The following HSP90B1 variants were observed in gnomAD, a reference collection of about 807,000 sequenced individuals.
HSP90B1 encodes the protein endoplasmin.
HSP90B1 carries 27 observed loss-of-function variants against 100.4 expected under a neutral mutation model. The ratio of observed to expected loss-of-function variants is 0.27; its 90% CI spans 0.20 to 0.37. The LOEUF (loss-of-function observed/expected upper bound fraction) is 0.37, where lower values mean the gene tolerates loss of function less well. Among genes scored for constraint, HSP90B1 ranks in the 10% least tolerant of loss-of-function variants. The probability of loss-of-function intolerance (pLI) is 1.00; values close to 1 mark genes in which losing one functional copy is unlikely to be tolerated. For missense variants in HSP90B1, 678 were observed against 960.5 expected, an observed-to-expected ratio of 0.71 and a Z score of 3.89; for synonymous variants, 304 against 330.8, an observed-to-expected ratio of 0.92 and a Z score of 0.88.
intron 2 of HSP90B1, 187 bp from the exon 3 acceptor site, chr12:103,932,090 G>T (rs1869781289): frequency 3.8e-6 from 2 of 532,106 alleles, no homozygotes; most frequent in Non-Finnish European, 6.6e-6. Context: ...AGTATTTCCA[G>T]TGTAATGTTA....
In HSP90B1 at chr12:103,930,878, G is replaced by T. The variant is rs1170676718; in HGVS notation, c.49+314G>T. Among the ~76,000 whole-genome samples, 1 of 107,872 alleles carries T rather than the reference G, an allele frequency of 9.3e-6. No individual in the cohort carries two copies. Among genetic ancestry groups the T allele is most frequent in the African/African-American group, 3.6e-5 (1 of 27,956 alleles). 70.8% of individuals were successfully genotyped at this position (107,872 alleles called of 152,430 possible). A position where few individuals can be genotyped will look rare whatever the true frequency, so the allele number is the denominator to read the frequency against. ...CTGTGCGAGTCCCTCCCCCCTCCCCGCCCGGAGGACTTTTTCGGCCACCGC... is the reference window on the plus strand; with the variant it reads ...CTGTGCGAGTCCCTCCCCCCTCCCCTCCCGGAGGACTTTTTCGGCCACCGC... On this transcript the variant is annotated intron_variant, in intron 1 of 17. Coordinates refer to ENST00000299767, the MANE Select transcript of HSP90B1 (RefSeq NM_003299.3). This position sits in a 1 kb window ranked among gnomAD's most constrained non-coding sequence, Gnocchi z 4.4.
intron 1 of HSP90B1, among the ~76,000 whole-genome samples, chr12:103,931,304 G>A (rs1415656798): frequency 3.9e-5 from 6 of 152,188 alleles, no homozygotes; most frequent in Non-Finnish European, 8.8e-5. Flanking sequence ...AGTGGTGACT[G>A]CCTCCGTATT....
chr12:103,932,541 C>A, intron 3 of HSP90B1, 123 bp downstream of exon 3: 1 of 784,952 alleles, frequency 1.3e-6, no homozygotes, highest in Non-Finnish European at 2.0e-6. Context: ...CCTTTAAATA[C>A]CTAATATGTC....
Position 103,931,634 on chromosome 12 carries a change from A to C in HSP90B1, c.152+11A>C, listed in dbSNP as rs375083823. The C allele has an allele frequency of 1.4e-5, 22 of 1,581,670 alleles. No homozygotes were observed. Among genetic ancestry groups the C allele is most frequent in the Non-Finnish European group, 1.8e-5 (21 of 1,151,168 alleles). On this transcript the variant is annotated intron_variant, in intron 2 of 17. Coordinates refer to ENST00000299767, the MANE Select transcript of HSP90B1 (RefSeq NM_003299.3). ...TGAAGTAGTACAGAGGTTTGTGTTC[A>C]TTTGAACTTACGTATACAGATAAGC...
rs890655825 is a variant in HSP90B1, at chr12:103,941,634, T to C, written c.1236T>C (p.Tyr412=). The change falls in exon 10 of 18, where the codon TAT becomes TAC. Residue 412 remains tyrosine, a synonymous_variant. Transcript: ENST00000299767. ...CTTTTTTTTGGTCTCTTTAGCTCTATGTGCGCCGTGTATTCATCACAGACG... is the reference window on the plus strand; with the variant it reads ...CTTTTTTTTGGTCTCTTTAGCTCTACGTGCGCCGTGTATTCATCACAGACG... ...GSKKSDYIKL[Y]VRRVFITDDF... is the part of the protein sequence containing the mutation. 5 of 1,614,226 alleles carry C rather than the reference T, an allele frequency of 3.1e-6. No individual in the cohort carries two copies. Among genetic ancestry groups the C allele is most frequent in the Non-Finnish European group, 4.2e-6 (5 of 1,180,018 alleles).
At position 103,931,561 on chromosome 12, in the gene HSP90B1, A is replaced by G; in HGVS notation, c.90A>G (p.Thr30=). ...ACGATGAAGTTGATGTGGATGGTAC[A>G]GTAGAAGAGGATCTGGGTAAAAGTA... ...RADDEVDVDG[T]VEEDLGKSRE... The change falls in exon 2 of 18, where the codon ACA becomes ACG. Residue 30 remains threonine (T), a synonymous_variant. Coordinates refer to ENST00000299767, the MANE Select transcript of HSP90B1 (RefSeq NM_003299.3). 6.2e-7 allele frequency: 1 copy of G among 1,613,870 alleles called. No homozygotes were observed. Among genetic ancestry groups the G allele is most frequent in the Non-Finnish European group, 8.5e-7 (1 of 1,179,760 alleles).
At chr12:103,940,415 A>C (rs1165687) in intron 8 of HSP90B1, among the ~76,000 whole-genome samples, 90,482 of 151,870 alleles carry the variant, frequency 0.6, 28,066 homozygotes, top group East Asian at 0.99. Context: ...AAGTTTGTTT[A>C]AAGTTAATGT....
At chr12:103,933,380 G>A (rs1157305439) in intron 4 of HSP90B1, among the ~76,000 whole-genome samples, 2 of 152,242 alleles carry the variant, frequency 1.3e-5, no homozygotes, top group South Asian at 2.1e-4. Flanking sequence ...GGTTGCCATG[G>A]TGCAGAGCAA....
At position 103,943,888 on chromosome 12, in the gene HSP90B1, G is replaced by T. The variant is rs766482885; in HGVS notation, c.2027+14G>T. ...CATCTCTACAAAGTAAGCATCCTCGGGAAAGTCCCTGCCAGGGCGTTGCCC... is the reference window on the plus strand; with the variant it reads ...CATCTCTACAAAGTAAGCATCCTCGTGAAAGTCCCTGCCAGGGCGTTGCCC... On this transcript the variant is annotated intron_variant, in intron 14 of 17. Coordinates refer to ENST00000299767, the MANE Select transcript of HSP90B1 (RefSeq NM_003299.3). The surrounding 1 kb of genome is among the most constrained non-coding windows in gnomAD (Gnocchi z 5.3). The T allele has an allele frequency of 2.0e-5, 33 of 1,609,980 alleles. No individual in the cohort carries two copies. Among genetic ancestry groups the T allele is most frequent in the Middle Eastern group, 1.6e-4 (1 of 6,062 alleles).
intron 14 of HSP90B1, among the ~76,000 whole-genome samples, chr12:103,945,335 C>T (rs1870195482): frequency 6.6e-6 from 1 of 152,060 alleles, no homozygotes; most frequent in African/African-American, 2.4e-5. Flanking sequence ...GGAAAAAAAG[C>T]AAGTCATAAT....
Position 103,939,611 on chromosome 12 carries a change from A to C in HSP90B1, c.1078A>C (p.Lys360Gln). 1 of 1,478,148 alleles carries C rather than the reference A, an allele frequency of 6.8e-7. No homozygotes were observed. Among genetic ancestry groups the C allele is most frequent in the Non-Finnish European group, 9.2e-7 (1 of 1,083,018 alleles). 91.6% of individuals were successfully genotyped at this position (1,478,148 alleles called of 1,614,324 possible). ...AGAAGATGAATACAAAGCTTTCTAC[A>C]AATCATTTTCAAAGGTAAATATTTA... ...VEEDEYKAFYKSFSKESDDPM... is the reference protein window; with the variant it reads ...VEEDEYKAFYQSFSKESDDPM... Residue 360 changes from lysine to glutamine, a missense_variant, in exon 8 of 18, where the codon AAA (lysine) becomes CAA (glutamine). By Grantham distance (53) the Lys-to-Gln change is moderately conservative (BLOSUM62 1). Coordinates refer to ENST00000299767, the MANE Select transcript of HSP90B1 (RefSeq NM_003299.3).
chr12:103,944,743 A>T (rs1212533219), intron 14 of HSP90B1, among the ~76,000 whole-genome samples: 2 of 152,242 alleles, frequency 1.3e-5, no homozygotes, highest in East Asian at 3.9e-4. Flanking sequence ...TTTAGTAGAG[A>T]CGGTGTTTCA....
rs766542599 is a variant in HSP90B1 at position 103,930,423 on chromosome 12, C to G, written c.-93C>G. 11 of 1,186,568 alleles carry G rather than the reference C, an allele frequency of 9.3e-6. No homozygotes were observed. Among genetic ancestry groups the G allele is most frequent in the Non-Finnish European group, 1.0e-5 (9 of 857,250 alleles). The allele number at this position is 1,186,568 out of a possible 1,614,324, so 73.5% of individuals were successfully genotyped here. ...TGCTTGCGGTGTAGTGGGCGGACCGCGCGGCTGGAGGTGTGAGGATCCGAA... is the reference window on the plus strand; with the variant it reads ...TGCTTGCGGTGTAGTGGGCGGACCGGGCGGCTGGAGGTGTGAGGATCCGAA... On this transcript the variant is annotated 5_prime_UTR_variant, in exon 1 of 18. Coordinates refer to ENST00000299767, the MANE Select transcript of HSP90B1 (RefSeq NM_003299.3). The surrounding 1 kb of genome is among the most constrained non-coding windows in gnomAD (Gnocchi z 4.4).
chr12:103,938,557 C>T, intron 7 of HSP90B1, 98 bp downstream of exon 7: 1 of 1,345,312 alleles, frequency 7.4e-7, no homozygotes, highest in East Asian at 2.4e-5. Context: ...AAGTCAGCTT[C>T]AGTTCAGGTG....
Position 103,932,829 on chromosome 12 carries a change from T to G in HSP90B1, c.298T>G (p.Phe100Val). Residue 100 changes from phenylalanine to valine, a missense_variant, in exon 4 of 18, where the codon TTC becomes GTC. Around this residue, in one of 8 missense-constraint regions of HSP90B1, gnomAD observed 238 missense variants for 346.7 expected, o/e 0.69. Coordinates refer to ENST00000299767, the MANE Select transcript of HSP90B1 (RefSeq NM_003299.3). Reference sequence around the variant, plus strand: ...ATTCCCTCTGGCTTCCATTTAGATTTTCCTGAGAGAACTGATTTCAAATGC... The same window carrying G: ...ATTCCCTCTGGCTTCCATTTAGATTGTCCTGAGAGAACTGATTTCAAATGC... Reference protein sequence around the residue: ...INSLYKNKEIFLRELISNASD... With the variant: ...INSLYKNKEIVLRELISNASD... The G allele has an allele frequency of 1.3e-6, 2 of 1,525,846 alleles. No individual in the cohort carries two copies. The highest frequency in any genetic ancestry group is 1.8e-6 in the Non-Finnish European group (2 of 1,100,448). The allele number at this position is 1,525,846 out of a possible 1,614,324, so 94.5% of individuals were successfully genotyped here. A position where few individuals can be genotyped will look rare whatever the true frequency, so the allele number is the denominator to read the frequency against.
Position 103,947,325 on chromosome 12 carries a change from C to T in HSP90B1, c.2277C>T (p.Pro759=), listed in dbSNP as rs7645. The change falls in exon 17 of 18, where the codon CCC becomes CCT. Residue 759 remains proline, a synonymous_variant. Coordinates refer to ENST00000299767, the MANE Select transcript of HSP90B1 (RefSeq NM_003299.3). ...GTTGTGTTTAGGTGGAAGAAGAGCCCGAAGAAGAACCTGAAGAGACAGCAG... is the reference window on the plus strand; with the variant it reads ...GTTGTGTTTAGGTGGAAGAAGAGCCTGAAGAAGAACCTGAAGAGACAGCAG... ...IDPDAKVEEE[P]EEEPEETAED... The T allele has an allele frequency of 0.33, 533,615 of 1,593,236 alleles. 94,535 individuals are homozygous for T. The highest frequency in any genetic ancestry group is 0.6 in the African/African-American group (44,051 of 73,416).
rs765106968 is a variant in HSP90B1, at chr12:103,946,611, T to A, written c.2028-7T>A. 1.9e-6 allele frequency: 3 copies of A among 1,604,996 alleles called. No homozygotes were observed. The African/African-American group carries it at 4.0e-5, about 21-fold the overall frequency. ...TTTTGTTAATGTTCATTTTTATCTCTTAACAGTTACTATGCGAGTCAGAAG... is the reference window on the plus strand; with the variant it reads ...TTTTGTTAATGTTCATTTTTATCTCATAACAGTTACTATGCGAGTCAGAAG... On this transcript the variant is annotated splice_region_variant and splice_polypyrimidine_tract_variant and intron_variant, in intron 14 of 17. Coordinates refer to ENST00000299767, the MANE Select transcript of HSP90B1 (RefSeq NM_003299.3).
chr12:103,931,607 G>C lies in HSP90B1; in HGVS notation c.136G>C (p.Asp46His). ...AAGTAGAGAAGGATCAAGGACGGAT[G>C]ATGAAGTAGTACAGAGGTTTGTGTT... ...GKSREGSRTDDEVVQREEEAI... is the reference protein window; with the variant it reads ...GKSREGSRTDHEVVQREEEAI... The change falls in exon 2 of 18, where the codon GAT becomes CAT. Residue 46 changes from aspartate (D) to histidine (H), a missense_variant. By Grantham distance (81) the Asp-to-His change is moderately conservative. This residue lies in a region of HSP90B1 where 88 missense variants were observed against 88.2 expected (regional missense o/e 1.00). Coordinates refer to ENST00000299767, the MANE Select transcript of HSP90B1 (RefSeq NM_003299.3). 1 of 1,612,012 alleles carries C rather than the reference G, an allele frequency of 6.2e-7. No individual in the cohort carries two copies. The highest frequency in any genetic ancestry group is 8.5e-7 in the Non-Finnish European group (1 of 1,178,188).
At chr12:103,935,209 A>T (rs778232244) in intron 5 of HSP90B1, among the ~76,000 whole-genome samples, 1 of 152,208 alleles carries the variant, frequency 6.6e-6, no homozygotes, top group East Asian at 1.9e-4. Flanking sequence ...TCATTTAAGG[A>T]TAGTTACAAG....
Sources: gnomAD v4.1 joint callset for allele counts (sites outside exome capture counted in the v4.1 genomes callset) on GRCh38, gnomAD v4.1.1 for gene constraint, gnomAD v4.1.1 regional missense constraint, Gnocchi (gnomAD v3.1) non-coding constraint, MANE v1.5 for transcripts, NCBI Gene and HGNC (gene_info 2026-07-23, HGNC 2026-07-21) for gene names.